The following ZNF266 variants were observed in gnomAD, a reference collection of about 807,000 sequenced individuals.
ZNF266 encodes zinc finger protein 266.
Under a neutral mutation model 16.4 loss-of-function variants are expected in ZNF266, and 16 were observed. The observed-to-expected ratio is 0.98, with a 90% CI of 0.66 to 1.48. The LOEUF is 1.48. Among genes scored for constraint, ZNF266 ranks in the 40% most tolerant of loss-of-function variants. The pLI, the probability that ZNF266 is intolerant of heterozygous loss-of-function variation, is 0.00. For synonymous variants in ZNF266, 262 were observed against 237.9 expected (o/e 1.10, Z -0.93); for missense variants, 738 against 689.1 (o/e 1.07, Z -0.79).
At chr19:9,431,433 T>A (rs1332435687) in intron 5 of ZNF266, among the ~76,000 whole-genome samples, 1 of 152,200 alleles carries the variant, frequency 6.6e-6, no homozygotes, top group Non-Finnish European at 1.5e-5. Flanking sequence ...CCAGGATGCA[T>A]GCTGCTGCAT....
At position 9,413,002 on chromosome 19, in the gene ZNF266, G is replaced by A. The variant is rs1738385257; in HGVS notation, c.*273C>T. The A allele has an allele frequency of 6.4e-6, 3 of 467,708 alleles. No individual in the cohort carries two copies. Among genetic ancestry groups the A allele is most frequent in the Non-Finnish European group, 1.1e-5 (3 of 264,470 alleles). 29.0% of individuals were successfully genotyped at this position (467,708 alleles called of 1,614,324 possible). A position where few individuals can be genotyped will look rare whatever the true frequency, so the allele number is the denominator to read the frequency against. ...TGTGAGTTCACATACACACATTAAG[G>A]TTTGTGGGATTCAGAAAGGTATTCC... On this transcript the variant is annotated 3_prime_UTR_variant, in exon 11 of 11. Transcript: ENST00000592904.
At position 9,421,557 on chromosome 19, in the gene ZNF266, T is replaced by A. The variant is rs571241430; in HGVS notation, c.-129-1339A>T. ...CTTCTTGCCCCTTCCAGTCTATCTTTTCACTCTCAACTCCAGATAAGCACC... is the reference window on the plus strand; with the variant it reads ...CTTCTTGCCCCTTCCAGTCTATCTTATCACTCTCAACTCCAGATAAGCACC... On this transcript the variant is annotated intron_variant, in intron 5 of 10. Coordinates refer to ENST00000592904, the MANE Select transcript of ZNF266 (RefSeq NM_001370374.1). 3.3e-5 allele frequency among the ~76,000 whole-genome samples: 5 copies of A among 152,340 alleles called. No individual in the cohort carries two copies. The South Asian group carries it at 8.3e-4, about 25-fold the overall frequency.
chr19:9,423,564 T>C (rs1255040568), intron 5 of ZNF266, among the ~76,000 whole-genome samples: 1 of 152,198 alleles, frequency 6.6e-6, no homozygotes, highest in Non-Finnish European at 1.5e-5. Flanking sequence ...TGGAATCGCA[T>C]ACTGAAAACT....
chr19:9,420,243 C>T (rs1599472369), intron 5 of ZNF266, 25 bp from the exon 6 acceptor site: 1 of 152,290 alleles, frequency 6.6e-6, no homozygotes, highest in South Asian at 2.1e-4. Context: ...CATTAATCAA[C>T]AAGCATTACT....
intron 8 of ZNF266, 98 bp from the exon 9 acceptor site, chr19:9,418,006 A>C (rs989791508): frequency 9.8e-5 from 123 of 1,250,996 alleles, no homozygotes; most frequent in Middle Eastern, 1.9e-4. Flanking sequence ...GAAGCAGTGA[A>C]ATTATTTTAA....
chr19:9,416,924 G>A (rs555486617), intron 9 of ZNF266, among the ~76,000 whole-genome samples: 40 of 151,946 alleles, frequency 2.6e-4, no homozygotes, highest in Non-Finnish European at 4.4e-4. Context: ...GCCCGCCTCA[G>A]CCTCCCAAAG....
intron 5 of ZNF266, chr19:9,420,440 C>T (rs1978435): frequency 0.61 from 92,581 of 151,916 alleles, 28,833 homozygotes; most frequent in African/African-American, 0.73. Flanking sequence ...ACAGTAGATA[C>T]CAATGACCCC....
rs574817796 is a variant in ZNF266, at chr19:9,412,452, G to A, written c.*823C>T. Reference sequence around the variant, plus strand: ...AATAATCACAAAAAAATTTTATTATGTTTGAAGAAAGCTTAAAAATTTGTG... The same window carrying A: ...AATAATCACAAAAAAATTTTATTATATTTGAAGAAAGCTTAAAAATTTGTG... On this transcript the variant is annotated 3_prime_UTR_variant, in exon 11 of 11. Transcript: ENST00000592904. The A allele has an allele frequency of 6.6e-6, 1 of 152,326 alleles. No individual in the cohort carries two copies. The highest frequency in any genetic ancestry group is 6.5e-5 in the Admixed American group (1 of 15,294). The allele number at this position is 152,326 out of a possible 1,614,324, so 9.4% of individuals were successfully genotyped here.
chr19:9,430,171 T>C (rs934566769), intron 5 of ZNF266, among the ~76,000 whole-genome samples: 1 of 152,170 alleles, frequency 6.6e-6, no homozygotes, highest in Non-Finnish European at 1.5e-5. Context: ...TACAGAAACA[T>C]GGTTTCCCAG....
At chr19:9,427,036 G>T (rs1044694651) in intron 5 of ZNF266, among the ~76,000 whole-genome samples, 1 of 152,072 alleles carries the variant, frequency 6.6e-6, no homozygotes, top group Admixed American at 6.5e-5. Flanking sequence ...TATTTCACAT[G>T]GCCCAATGTA....
intron 5 of ZNF266, among the ~76,000 whole-genome samples, chr19:9,426,298 C>T (rs888015283): frequency 3.3e-5 from 5 of 151,952 alleles, no homozygotes; most frequent in African/African-American, 1.2e-4. Context: ...ATTTTAGCCA[C>T]CTGGAGATAC....
intron 5 of ZNF266, among the ~76,000 whole-genome samples, chr19:9,431,051 C>G (rs1263875377): frequency 6.6e-6 from 1 of 152,208 alleles, no homozygotes; most frequent in African/African-American, 2.4e-5. Flanking sequence ...AACACCTCTC[C>G]TCTTGGTCGG....
In ZNF266 at chr19:9,414,438, TC is replaced by T. The variant is rs1450368436; in HGVS notation, c.687del (p.Lys230AsnfsTer13). 58 of 1,614,078 alleles carry T rather than the reference TC, an allele frequency of 3.6e-5. No individual in the cohort carries two copies. The highest frequency in any genetic ancestry group is 4.8e-5 in the Non-Finnish European group (57 of 1,180,044). On this transcript the variant is annotated frameshift_variant, in exon 11 of 11. Transcript: ENST00000592904. LOFTEE classifies it low-confidence loss of function (END_TRUNC). The part of the protein sequence containing the change: ...GEKAFDCSDS[G>X]KSFINHSHLQ... ...AGGTGTGAATGATTAATGAAGGATT[TC>T]CCAGAGTCACTGCAATCAAAAGCTT...
At chr19:9,417,501 G>A (rs1160483886) in intron 9 of ZNF266, among the ~76,000 whole-genome samples, 1 of 152,206 alleles carries the variant, frequency 6.6e-6, no homozygotes, top group Non-Finnish European at 1.5e-5. Context: ...GGCCGAGGTG[G>A]GCAGATCATG....
chr19:9,418,663 A>C, intron 7 of ZNF266, 32 bp from the exon 8 acceptor site: 2 of 1,087,472 alleles, frequency 1.8e-6, no homozygotes, highest in Non-Finnish European at 2.8e-6. Context: ...GGCTTGAGCC[A>C]CAAAACATGT....
rs542266072 is a variant in ZNF266 at position 9,434,175 on chromosome 19, A to G, written c.-349T>C. On this transcript the variant is annotated 5_prime_UTR_variant, in exon 4 of 11. Transcript: ENST00000592904. Reference sequence around the variant, plus strand: ...AGCTCTTATTTCCTTCCCCTTCAGTATGGCTAAATCATACCATATTTTTGG... The same window carrying G: ...AGCTCTTATTTCCTTCCCCTTCAGTGTGGCTAAATCATACCATATTTTTGG... 3 of 152,300 alleles carry G rather than the reference A, an allele frequency of 2.0e-5. No individual in the cohort carries two copies. Among genetic ancestry groups the G allele is most frequent in the Admixed American group, 1.3e-4 (2 of 15,306 alleles). The allele number at this position is 152,300 out of a possible 1,614,324, so 9.4% of individuals were successfully genotyped here.
At position 9,417,854 on chromosome 19, in the gene ZNF266, C is replaced by G; in HGVS notation, c.290G>C (p.Arg97Thr). The G allele has an allele frequency of 6.2e-7, 1 of 1,614,044 alleles. No homozygotes were observed. The highest frequency in any genetic ancestry group is 1.1e-5 in the South Asian group (1 of 91,074). Residue 97 changes from arginine to threonine, a missense_variant, in exon 9 of 11, where the codon AGG (arginine) becomes ACG (threonine). Arg to Thr is a moderately conservative substitution (Grantham distance 71). Transcript: ENST00000592904. ...TTGGAAATCACCTCTCTGCACTGTC[C>G]TAGACTCTTCTTGTTCCAGCCAAGA... is the stretch of plus-strand genomic sequence containing the variant. Reference protein sequence around the residue: ...LISWLEQEESRTVQRGDFQAS... With the variant: ...LISWLEQEESTTVQRGDFQAS...
intron 5 of ZNF266, among the ~76,000 whole-genome samples, chr19:9,423,858 G>A (rs1350108962): frequency 2.0e-5 from 3 of 152,132 alleles, no homozygotes; most frequent in South Asian, 2.1e-4. Context: ...TTAGCTGGGC[G>A]TGGTGACACA....
At chr19:9,430,523 T>G (rs545984997) in intron 5 of ZNF266, among the ~76,000 whole-genome samples, 1 of 152,304 alleles carries the variant, frequency 6.6e-6, no homozygotes, top group East Asian at 1.9e-4. Context: ...AACCTTTACA[T>G]ATGCTTTACT....
Sources: gnomAD v4.1 joint callset for allele counts (sites outside exome capture counted in the v4.1 genomes callset) on GRCh38, gnomAD v4.1.1 for gene constraint, MANE v1.5 for transcripts, NCBI Gene and HGNC (gene_info 2026-07-23, HGNC 2026-07-21) for gene names.